The following NAV2 variants were observed in gnomAD, a reference collection of about 807,000 sequenced individuals.
The protein encoded by NAV2 is helicase, APC down-regulated 1.
NAV2 carries 54 observed loss-of-function variants against 223.2 expected under a neutral mutation model. The observed-to-expected ratio is 0.24, with a 90% CI of 0.19 to 0.30. The LOEUF (loss-of-function observed/expected upper bound fraction) is 0.30. NAV2 is among the 10% of genes least tolerant of loss of function. NAV2 has a pLI of 1.00. For missense variants in NAV2, 2,806 were observed against 3,147.5 expected (o/e 0.89, Z 2.60); for synonymous variants, 1,279 against 1,239.3 (o/e 1.03, Z -0.67).
At chr11:19,665,736 T>G (rs1402133520) in intron 1 of NAV2, among the ~76,000 whole-genome samples, 1 of 152,210 alleles carries the variant, frequency 6.6e-6, no homozygotes, top group Admixed American at 6.5e-5. Flanking sequence ...CAGAAAAGCA[T>G]GATTGGCTCA....
At chr11:19,752,268 C>A (rs2053889204) in intron 1 of NAV2, among the ~76,000 whole-genome samples, 1 of 152,186 alleles carries the variant, frequency 6.6e-6, no homozygotes, top group Non-Finnish European at 1.5e-5. Context: ...GGAGAAGCTG[C>A]AGTGAGCCCT....
chr11:19,471,659 A>G (rs10833118), intron 1 of NAV2, among the ~76,000 whole-genome samples: 48,305 of 152,140 alleles, frequency 0.32, 8,179 homozygotes, highest in South Asian at 0.4. Flanking sequence ...TTACCTCTCA[A>G]TACTGATTAC....
At chr11:19,793,051 A>C (rs925149108) in intron 1 of NAV2, among the ~76,000 whole-genome samples, 1 of 151,976 alleles carries the variant, frequency 6.6e-6, no homozygotes, top group African/African-American at 2.4e-5. Context: ...TCTACTAAAA[A>C]TACAAAAATT....
chr11:19,904,449 T>C (rs1168065986), intron 6 of NAV2, among the ~76,000 whole-genome samples: 1 of 152,200 alleles, frequency 6.6e-6, no homozygotes, highest in East Asian at 1.9e-4. Flanking sequence ...CTTAATTCTC[T>C]GGATTAGGTA....
intron 1 of NAV2, among the ~76,000 whole-genome samples, chr11:19,443,082 C>T (rs1224113798): frequency 6.6e-6 from 1 of 152,178 alleles, no homozygotes; most frequent in African/African-American, 2.4e-5. Context: ...GGGAATGAGA[C>T]ATGAATCTTG....
At chr11:19,909,218 C>A (rs2043116907) in intron 6 of NAV2, among the ~76,000 whole-genome samples, 1 of 152,162 alleles carries the variant, frequency 6.6e-6, no homozygotes, top group South Asian at 2.1e-4. Context: ...TCTGGTCCTC[C>A]TTTCCCTGTA....
At chr11:19,536,444 C>T (rs1163594671) in intron 1 of NAV2, among the ~76,000 whole-genome samples, 1 of 152,176 alleles carries the variant, frequency 6.6e-6, no homozygotes, top group East Asian at 1.9e-4. Context: ...CCAGCTGTAC[C>T]AGCTCACTGA....
chr11:19,573,417 C>T (rs1271567557), intron 1 of NAV2, among the ~76,000 whole-genome samples: 2 of 152,140 alleles, frequency 1.3e-5, no homozygotes, highest in African/African-American at 4.8e-5. Context: ...GATGTTTTCT[C>T]CAGCGCTCAG....
chr11:19,931,448 T>C (rs1701877560), intron 6 of NAV2, among the ~76,000 whole-genome samples: 1 of 152,190 alleles, frequency 6.6e-6, no homozygotes, highest in Admixed American at 6.5e-5. Flanking sequence ...AGGCAGTTCC[T>C]TTACTGTGAG....
chr11:19,566,561 G>A (rs886492089), intron 1 of NAV2, among the ~76,000 whole-genome samples: 2 of 152,152 alleles, frequency 1.3e-5, no homozygotes, highest in South Asian at 4.1e-4. Flanking sequence ...GTGTCATTTT[G>A]GCAGCCACCC....
At chr11:19,764,303 T>C (rs77147348) in intron 1 of NAV2, among the ~76,000 whole-genome samples, 18,879 of 152,232 alleles carry the variant, frequency 0.12, 1,325 homozygotes, top group Non-Finnish European at 0.15. Flanking sequence ...AATGAAAACA[T>C]GTGTTTATTT....
intron 36 of NAV2, chr11:20,114,332 G>C (rs1173622236): frequency 3.7e-6 from 2 of 546,900 alleles, no homozygotes; most frequent in African/African-American, 3.8e-5. Context: ...CGGTGAGTCA[G>C]TGGCAGAGCT....
chr11:19,608,358 A>G (rs1294800104), intron 1 of NAV2, among the ~76,000 whole-genome samples: 1 of 152,240 alleles, frequency 6.6e-6, no homozygotes, highest in East Asian at 1.9e-4. Context: ...AGCCCAGCAG[A>G]TGCCACTATG....
chr11:19,408,501 G>A (rs1849998196), intron 1 of NAV2, among the ~76,000 whole-genome samples: 1 of 152,090 alleles, frequency 6.6e-6, no homozygotes, highest in South Asian at 2.1e-4. Flanking sequence ...TCATTGTTTG[G>A]GAATCCCCTT....
intron 32 of NAV2, 105 bp downstream of exon 32, chr11:20,101,277 G>C (rs993222699): frequency 4.2e-6 from 4 of 947,830 alleles, no homozygotes; most frequent in African/African-American, 3.3e-5. Context: ...ACAATCCTTG[G>C]GTGGTTTTAG....
intron 1 of NAV2, among the ~76,000 whole-genome samples, chr11:19,608,747 C>T (rs2046548568): frequency 6.6e-6 from 1 of 152,244 alleles, no homozygotes; most frequent in Admixed American, 6.5e-5. Context: ...GCTACTGTAA[C>T]AAATTACCAC....
At chr11:19,757,058 A>C (rs1193178957) in intron 1 of NAV2, among the ~76,000 whole-genome samples, 1 of 152,136 alleles carries the variant, frequency 6.6e-6, no homozygotes, top group Non-Finnish European at 1.5e-5. Flanking sequence ...ATGCCCAGAG[A>C]ACACACTGTG....
At chr11:19,768,684 C>T (rs1430063127) in intron 1 of NAV2, among the ~76,000 whole-genome samples, 1 of 152,158 alleles carries the variant, frequency 6.6e-6, no homozygotes, top group African/African-American at 2.4e-5. Context: ...GGCACAGAAG[C>T]TTAGGTTCCA....
intron 10 of NAV2, among the ~76,000 whole-genome samples, chr11:19,954,301 G>A (rs1051071638): frequency 1.4e-4 from 22 of 152,186 alleles, no homozygotes; most frequent in Non-Finnish European, 2.6e-4. Flanking sequence ...AGGGGCTGCT[G>A]TCTTCCCTCC....
Sources: gnomAD v4.1 joint callset for allele counts (sites outside exome capture counted in the v4.1 genomes callset) on GRCh38, gnomAD v4.1.1 for gene constraint, MANE v1.5 for transcripts, NCBI Gene and HGNC (gene_info 2026-07-23, HGNC 2026-07-21) for gene names.